MSI2: variants seen among roughly 807,000 people sequenced by gnomAD.
The protein encoded by MSI2 is musashi RNA binding protein 2, also known as RNA-binding protein Musashi homolog 2.
Under a neutral mutation model 45.6 loss-of-function variants are expected in MSI2, and 17 were observed. The ratio of observed to expected loss-of-function variants is 0.37; its 90% CI spans 0.26 to 0.56. The LOEUF (loss-of-function observed/expected upper bound fraction) is 0.56. MSI2 is among the 20% of genes least tolerant of loss of function. The pLI is 0.77. For synonymous variants in MSI2, 156 were observed against 158.2 expected (o/e 0.99, Z 0.11); for missense variants, 293 against 444.2 (o/e 0.66, Z 3.06).
At chr17:57,668,978 C>G (rs922140226) in intron 11 of MSI2, among the ~76,000 whole-genome samples, 2 of 152,206 alleles carry the variant, frequency 1.3e-5, no homozygotes, top group African/African-American at 4.8e-5. Flanking sequence ...ACCAGTCTCT[C>G]CTACCTCCAG....
intron 8 of MSI2, among the ~76,000 whole-genome samples, chr17:57,602,210 T>C (rs988779723): frequency 2.0e-5 from 3 of 152,150 alleles, no homozygotes; most frequent in African/African-American, 7.2e-5. Flanking sequence ...AGATTTTTTT[T>C]TTAATTTTTT....
chr17:57,297,975 C>T (rs995307116), intron 5 of MSI2, among the ~76,000 whole-genome samples: 1 of 152,144 alleles, frequency 6.6e-6, no homozygotes, highest in African/African-American at 2.4e-5. Context: ...GCACTGAAAT[C>T]TTGAACCCCT....
rs191325061 is a variant in MSI2, at chr17:57,596,159, G to A, written c.455-709G>A. Among the ~76,000 whole-genome samples, 1 of 152,302 alleles carries A rather than the reference G, an allele frequency of 6.6e-6. No individual in the cohort carries two copies. The highest frequency in any genetic ancestry group is 1.5e-5 in the Non-Finnish European group (1 of 68,024). ...AAGAAAGGGGCAGGAGGGTAGGAGA[G>A]GAACTGAGGATACTGAGCAGCAGTC... On this transcript the variant is annotated intron_variant, in intron 7 of 13. Transcript: ENST00000284073. The surrounding 1 kb of genome is among the most constrained non-coding windows in gnomAD (Gnocchi z 4.6).
rs552173944 is a variant in MSI2 at position 57,365,764 on chromosome 17, A to C, written c.313-35615A>C. 4.6e-5 allele frequency among the ~76,000 whole-genome samples: 7 copies of C among 152,266 alleles called. No homozygotes were observed. In the East Asian group the frequency reaches 1.4e-3, roughly 29 times the overall value. On this transcript the variant is annotated intron_variant, in intron 5 of 13. Transcript: ENST00000284073. ...GTTGTCCTGGGAGATGAGCTTCCAC[A>C]TATTGTGCACTTACTGGACAGTATA...
At chr17:57,696,836 C>G in the MSI2 span, among the ~76,000 whole-genome samples, 1 of 152,140 alleles carries the variant, frequency 6.6e-6, no homozygotes, top group Non-Finnish European at 1.5e-5. Context: ...GATCAGCTAT[C>G]CTTTCTTCCT....
At chr17:57,478,908 GTTCATTCA>G (rs922181545) in intron 6 of MSI2, among the ~76,000 whole-genome samples, 2 of 152,086 alleles carry the variant, frequency 1.3e-5, no homozygotes, top group Admixed American at 1.3e-4. Flanking sequence ...TTGTTCATTC[GTTCATTCA>G]TTTAAATAGT....
intron 4 of MSI2, 56 bp downstream of exon 4, chr17:57,258,410 G>A (rs1907015104): frequency 7.2e-7 from 1 of 1,394,790 alleles, no homozygotes; most frequent in East Asian, 2.3e-5. Context: ...TCTGGGCATT[G>A]ACAGCCCCAT....
chr17:57,456,609 A>C (rs556706836), intron 6 of MSI2, among the ~76,000 whole-genome samples: 1 of 152,126 alleles, frequency 6.6e-6, no homozygotes, highest in African/African-American at 2.4e-5. Flanking sequence ...CAAAAAAAAA[A>C]AAGGAACACC....
At chr17:57,302,799 A>T (rs1911522469) in intron 5 of MSI2, among the ~76,000 whole-genome samples, 1 of 152,158 alleles carries the variant, frequency 6.6e-6, no homozygotes, top group Non-Finnish European at 1.5e-5. Context: ...ATTACTTTTC[A>T]TGTAAATAGG....
At chr17:57,390,090 A>G (rs1165950577) in intron 5 of MSI2, among the ~76,000 whole-genome samples, 1 of 149,972 alleles carries the variant, frequency 6.7e-6, no homozygotes, top group Non-Finnish European at 1.5e-5. Context: ...AAAAAAAAAA[A>G]GAAAGAAAAG....
intron 6 of MSI2, among the ~76,000 whole-genome samples, chr17:57,415,121 G>A (rs1598239578): frequency 6.6e-6 from 1 of 152,264 alleles, no homozygotes; most frequent in South Asian, 2.1e-4. Context: ...GCTCATAGAT[G>A]TTATGGATCC....
chr17:57,540,102 G>A (rs1377615404), intron 7 of MSI2, among the ~76,000 whole-genome samples: 9 of 152,152 alleles, frequency 5.9e-5, no homozygotes, highest in African/African-American at 9.7e-5. Flanking sequence ...TGTGACCCTG[G>A]ACAAGTTACT....
chr17:57,303,874 A>G (rs937965329), intron 5 of MSI2, among the ~76,000 whole-genome samples: 5 of 152,314 alleles, frequency 3.3e-5, no homozygotes, highest in African/African-American at 7.2e-5. Flanking sequence ...GGAAGTAGAA[A>G]ACAGTACAGG....
chr17:57,324,577 CTCT>C (rs1410261120), intron 5 of MSI2, among the ~76,000 whole-genome samples: 1 of 152,218 alleles, frequency 6.6e-6, no homozygotes, highest in Non-Finnish European at 1.5e-5. Context: ...GCTGACACCT[CTCT>C]TCTTCTGCCT....
At chr17:57,549,092 C>G (rs1402866131) in intron 7 of MSI2, among the ~76,000 whole-genome samples, 1 of 152,174 alleles carries the variant, frequency 6.6e-6, no homozygotes, top group East Asian at 1.9e-4. Context: ...CCAGGCTGGT[C>G]TTGAACACCT....
Position 57,259,531 on chromosome 17 carries a change from G to T in MSI2, c.270+1177G>T, listed in dbSNP as rs567967717. Among the ~76,000 whole-genome samples, 4 of 152,312 alleles carry T rather than the reference G, an allele frequency of 2.6e-5. No homozygotes were observed. The East Asian group carries it at 5.8e-4, about 22-fold the overall frequency. On this transcript the variant is annotated intron_variant, in intron 4 of 13. Transcript: ENST00000284073. ...TTTTGCAAATTCACCCTCTTTCTCT[G>T]ATCAAAGAGATCAGGAATGCGTGCC...
intron 5 of MSI2, among the ~76,000 whole-genome samples, chr17:57,325,771 G>A (rs1334131815): frequency 6.6e-6 from 1 of 152,184 alleles, no homozygotes; most frequent in Non-Finnish European, 1.5e-5. Flanking sequence ...ATGTAGATCA[G>A]ATCAAATTCT....
At chr17:57,419,971 G>T (rs1400897200) in intron 6 of MSI2, among the ~76,000 whole-genome samples, 1 of 152,106 alleles carries the variant, frequency 6.6e-6, no homozygotes, top group Non-Finnish European at 1.5e-5. Flanking sequence ...TCAAGTATGG[G>T]GTATCCTGGT....
intron 6 of MSI2, among the ~76,000 whole-genome samples, chr17:57,476,064 T>G (rs1203229217): frequency 2.0e-5 from 3 of 152,200 alleles, no homozygotes; most frequent in Admixed American, 6.5e-5. Context: ...TGGTGTGTAA[T>G]CTTTGTATTC....
Sources: allele counts gnomAD v4.1 joint callset (sites outside exome capture counted in the v4.1 genomes callset), GRCh38; gene constraint gnomAD v4.1.1; non-coding constraint Gnocchi (gnomAD v3.1); transcripts MANE v1.5; gene names NCBI Gene and HGNC (gene_info 2026-07-23, HGNC 2026-07-21).